Variants in BCAS3 observed in about 807,000 individuals in gnomAD.
BCAS3 encodes BCAS3 microtubule associated cell migration factor.
Under a neutral mutation model 116.1 loss-of-function variants are expected in BCAS3, and 53 were observed. The ratio of observed to expected loss-of-function variants is 0.46; its 90% CI spans 0.37 to 0.57. BCAS3 has a LOEUF of 0.57. Among genes scored for constraint, BCAS3 ranks in the 20% least tolerant of loss-of-function variants. The pLI is 0.00. For synonymous variants in BCAS3, 391 were observed against 408.2 expected, an observed-to-expected ratio of 0.96 and a Z score of 0.51; for missense variants, 917 against 1,165.4, an observed-to-expected ratio of 0.79 and a Z score of 3.10.
intron 22 of BCAS3, among the ~76,000 whole-genome samples, chr17:61,358,967 A>C (rs1326564519): frequency 6.6e-6 from 1 of 152,096 alleles, no homozygotes; most frequent in Non-Finnish European, 1.5e-5. Flanking sequence ...AGATGTGGGG[A>C]GATCAGAGCT....
At position 61,041,021 on chromosome 17, in the gene BCAS3, A is replaced by T. The variant is rs1600692421; in HGVS notation, c.2029+129A>T. On this transcript the variant is annotated intron_variant, in intron 19 of 23. Coordinates refer to ENST00000407086, the MANE Select transcript of BCAS3 (RefSeq NM_017679.5). The surrounding 1 kb of genome is among the most constrained non-coding windows in gnomAD (Gnocchi z 4.7). ...GGCCTTAAAGAATCAGTTTGAGGCAAATAAGATATTTAATATGAATATAAA... is the reference window on the plus strand; with the variant it reads ...GGCCTTAAAGAATCAGTTTGAGGCATATAAGATATTTAATATGAATATAAA... 1.5e-6 allele frequency: 1 copy of T among 684,928 alleles called. No homozygotes were observed. The highest frequency in any genetic ancestry group is 2.6e-5 in the East Asian group (1 of 37,918). The allele number at this position is 684,928 out of a possible 1,614,324, so 42.4% of individuals were successfully genotyped here.
rs1464078130 is a variant in BCAS3 at position 61,248,120 on chromosome 17, T to C, written c.2426-120207T>C. 1.3e-5 allele frequency among the ~76,000 whole-genome samples: 2 copies of C among 152,210 alleles called. No homozygotes were observed. The highest frequency in any genetic ancestry group is 3.9e-4 in the East Asian group (2 of 5,184). On this transcript the variant is annotated intron_variant, in intron 22 of 23. Transcript: ENST00000407086. The surrounding 1 kb of genome is among the most constrained non-coding windows in gnomAD (Gnocchi z 4.3). ...TGGAAATCTCTTTTGAATTAGCTTC[T>C]TTTGGAGAGCTTTCTGCTTTTCTGA...
rs77141732 is a variant in BCAS3 at position 61,191,020 on chromosome 17, A to G, written c.2425+106456A>G. 8.7e-4 allele frequency among the ~76,000 whole-genome samples: 133 copies of G among 152,268 alleles called. 1 individual carries two copies. Among genetic ancestry groups the G allele is most frequent in the African/African-American group, 3.1e-3 (128 of 41,552 alleles). ...CAGGAGTTTGAGGTTACAATGAGCT[A>G]TGCATCACCACTGTACTCCAGCCTG... On this transcript the variant is annotated intron_variant, in intron 22 of 23. Transcript: ENST00000407086.
chr17:61,138,681 T>C (rs1313510145), intron 22 of BCAS3, among the ~76,000 whole-genome samples: 2 of 152,218 alleles, frequency 1.3e-5, no homozygotes, highest in Admixed American at 6.5e-5. Flanking sequence ...AGAACTCTTA[T>C]TGGAATAAGA....
chr17:61,061,452 C>T (rs2070024296), intron 19 of BCAS3, among the ~76,000 whole-genome samples: 1 of 151,986 alleles, frequency 6.6e-6, no homozygotes, highest in African/African-American at 2.4e-5. Context: ...CTGAATACTA[C>T]ATTAGAGCCT....
intron 14 of BCAS3, among the ~76,000 whole-genome samples, chr17:60,973,702 C>A (rs1034179153): frequency 6.6e-6 from 1 of 151,660 alleles, no homozygotes; most frequent in Admixed American, 6.6e-5. Context: ...AAGCGATTCT[C>A]CTGCCTCAGC....
At chr17:61,310,831 G>A (rs757708982) in intron 22 of BCAS3, among the ~76,000 whole-genome samples, 1 of 152,176 alleles carries the variant, frequency 6.6e-6, no homozygotes, top group Non-Finnish European at 1.5e-5. Context: ...GTTTTGGCCT[G>A]TGTGTGTAGG....
At chr17:61,155,301 G>A (rs1256577362) in intron 22 of BCAS3, among the ~76,000 whole-genome samples, 4 of 152,120 alleles carry the variant, frequency 2.6e-5, no homozygotes, top group African/African-American at 9.7e-5. Flanking sequence ...CGAAAACACT[G>A]TATTTATAGG....
Position 61,323,254 on chromosome 17 carries a change from G to C in BCAS3, c.2426-45073G>C, listed in dbSNP as rs549335175. 6.6e-6 allele frequency among the ~76,000 whole-genome samples: 1 copy of C among 152,192 alleles called. No individual in the cohort carries two copies. Among genetic ancestry groups the C allele is most frequent in the South Asian group, 2.1e-4 (1 of 4,820 alleles). ...TGTCTAGAGCCCAAACTTCCCCAGGGGGAAGGACTCATTTATAACCCGTTC... is the reference window on the plus strand; with the variant it reads ...TGTCTAGAGCCCAAACTTCCCCAGGCGGAAGGACTCATTTATAACCCGTTC... On this transcript the variant is annotated intron_variant, in intron 22 of 23. Coordinates refer to ENST00000407086, the MANE Select transcript of BCAS3 (RefSeq NM_017679.5). This position sits in a 1 kb window ranked among gnomAD's most constrained non-coding sequence, Gnocchi z 4.6.
At position 60,902,714 on chromosome 17, in the gene BCAS3, C is replaced by T; in HGVS notation, c.822+11C>T. ...ATTAGTGCTGCTAAAGTGAGTACCTCCGAAATCTTGGAGAGTTGTGGTTAT... is the reference window on the plus strand; with the variant it reads ...ATTAGTGCTGCTAAAGTGAGTACCTTCGAAATCTTGGAGAGTTGTGGTTAT... On this transcript the variant is annotated intron_variant, in intron 11 of 23. Coordinates refer to ENST00000407086, the MANE Select transcript of BCAS3 (RefSeq NM_017679.5). 6.3e-7 allele frequency: 1 copy of T among 1,582,418 alleles called. No homozygotes were observed. Among genetic ancestry groups the T allele is most frequent in the Admixed American group, 1.7e-5 (1 of 59,884 alleles).
chr17:61,072,076 G>T (rs1305523937), intron 19 of BCAS3, among the ~76,000 whole-genome samples: 1 of 151,956 alleles, frequency 6.6e-6, no homozygotes, highest in East Asian at 1.9e-4. Flanking sequence ...ACTATTTTTG[G>T]TGAAAAAAGG....
In BCAS3 at chr17:61,220,968, C is replaced by T. The variant is rs1601985292; in HGVS notation, c.2425+136404C>T. 2.0e-5 allele frequency among the ~76,000 whole-genome samples: 3 copies of T among 152,110 alleles called. No individual in the cohort carries two copies. Among genetic ancestry groups the T allele is most frequent in the Admixed American group, 1.3e-4 (2 of 15,280 alleles). On this transcript the variant is annotated intron_variant, in intron 22 of 23. Coordinates refer to ENST00000407086, the MANE Select transcript of BCAS3 (RefSeq NM_017679.5). The surrounding 1 kb of genome is among the most constrained non-coding windows in gnomAD (Gnocchi z 4.5). ...ACAAAAAATTAGCTGGGCATGGTGGCGGGCGCCTGTAGTCCCAGCTATTTG... is the reference window on the plus strand; with the variant it reads ...ACAAAAAATTAGCTGGGCATGGTGGTGGGCGCCTGTAGTCCCAGCTATTTG...
At chr17:60,934,121 A>C (rs1389649137) in intron 13 of BCAS3, among the ~76,000 whole-genome samples, 2 of 152,040 alleles carry the variant, frequency 1.3e-5, no homozygotes, top group African/African-American at 2.4e-5. Flanking sequence ...CAGAAAAAAA[A>C]ACATGGTTTT....
rs148630244 is a variant in BCAS3 at position 61,057,993 on chromosome 17, G to A, written c.2030-16927G>A. On this transcript the variant is annotated intron_variant, in intron 19 of 23. Transcript: ENST00000407086. ...GAAGCCTCTTTTAGCTGCTGATTAT[G>A]AAGCTAACATATTTAATATTATTTT... 2.4e-4 allele frequency among the ~76,000 whole-genome samples: 37 copies of A among 152,012 alleles called. 1 individual carries two copies. The East Asian group carries it at 7.1e-3, about 29-fold the overall frequency.
chr17:60,719,899 T>C lies in BCAS3; in HGVS notation c.321+10574T>C, dbSNP rs200793744. On this transcript the variant is annotated intron_variant, in intron 5 of 23. Transcript: ENST00000407086. The stretch of plus-strand genomic sequence containing the variant: ...GTTTAGAAGAGAAGAAAGTTAAAGA[T>C]GTTTCCAGAGTCTTGACCTGGGGAC... Among the ~76,000 whole-genome samples, 66 of 152,314 alleles carry C rather than the reference T, an allele frequency of 4.3e-4. No individual in the cohort carries two copies. In the East Asian group the frequency reaches 9.1e-3, roughly 21 times the overall value.
chr17:61,067,950 G>T (rs1362564244), intron 19 of BCAS3, among the ~76,000 whole-genome samples: 1 of 152,068 alleles, frequency 6.6e-6, no homozygotes, highest in African/African-American at 2.4e-5. Flanking sequence ...GCAAAAGCCT[G>T]TGTGTAGAGG....
In BCAS3 at chr17:60,989,954, T is replaced by G. The variant is rs1163513722; in HGVS notation, c.1222-17T>G. ...TAGTTTGAGACATTTTTGTATCTTTTCTTATCTCATTTCTAGGTACAGGAC... is the reference window on the plus strand; with the variant it reads ...TAGTTTGAGACATTTTTGTATCTTTGCTTATCTCATTTCTAGGTACAGGAC... On this transcript the variant is annotated splice_polypyrimidine_tract_variant and intron_variant, in intron 14 of 23. Transcript: ENST00000407086. 2 of 1,606,558 alleles carry G rather than the reference T, an allele frequency of 1.2e-6. No homozygotes were observed. Among genetic ancestry groups the G allele is most frequent in the East Asian group, 4.5e-5 (2 of 44,692 alleles).
rs1296336287 is a variant in BCAS3, at chr17:61,326,178, T to C, written c.2426-42149T>C. ...TGTGTGAAGTATAATGAAGGAAAAA[T>C]TCCATGTGGTATGAGAGCATCTGAA... On this transcript the variant is annotated intron_variant, in intron 22 of 23. Coordinates refer to ENST00000407086, the MANE Select transcript of BCAS3 (RefSeq NM_017679.5). The surrounding 1 kb of genome is among the most constrained non-coding windows in gnomAD (Gnocchi z 5.3). 6.6e-6 allele frequency among the ~76,000 whole-genome samples: 1 copy of C among 152,172 alleles called. No individual in the cohort carries two copies. The highest frequency in any genetic ancestry group is 1.5e-5 in the Non-Finnish European group (1 of 68,034).
At chr17:60,793,818 A>G (rs2046984307) in intron 6 of BCAS3, among the ~76,000 whole-genome samples, 1 of 152,114 alleles carries the variant, frequency 6.6e-6, no homozygotes, top group Admixed American at 6.5e-5. Context: ...ATTGATGGGC[A>G]TTTGGGTTGG....
Sources: allele counts gnomAD v4.1 joint callset (sites outside exome capture counted in the v4.1 genomes callset), GRCh38; gene constraint gnomAD v4.1.1; non-coding constraint Gnocchi (gnomAD v3.1); transcripts MANE v1.5; gene names NCBI Gene and HGNC (gene_info 2026-07-23, HGNC 2026-07-21).